The following MAPKAP1 variants were observed in gnomAD, a reference collection of about 807,000 sequenced individuals.
MAPKAP1 encodes target of rapamycin complex 2 subunit MAPKAP1.
In MAPKAP1, 20 loss-of-function variants were observed where a neutral mutation model predicts 65.7. The ratio of observed to expected loss-of-function variants is 0.30; its 90% CI spans 0.21 to 0.44. The LOEUF (loss-of-function observed/expected upper bound fraction) is 0.44, where lower values mean the gene tolerates loss of function less well. Ranked by LOEUF, MAPKAP1 falls within the 20% of genes least tolerant of loss-of-function variation. The pLI is 1.00. For missense variants in MAPKAP1, 423 were observed against 648.0 expected, an observed-to-expected ratio of 0.65 and a Z score of 3.77; for synonymous variants, 222 against 244.3, an observed-to-expected ratio of 0.91 and a Z score of 0.85.
intron 7 of MAPKAP1, among the ~76,000 whole-genome samples, chr9:125,523,759 G>C (rs1011190617): frequency 1.3e-5 from 2 of 152,206 alleles, no homozygotes; most frequent in African/African-American, 4.8e-5. Flanking sequence ...TCTAACCCTG[G>C]ATAAGCTGTG....
intron 6 of MAPKAP1, among the ~76,000 whole-genome samples, chr9:125,544,481 A>C (rs1830363644): frequency 6.6e-6 from 1 of 152,196 alleles, no homozygotes; most frequent in Non-Finnish European, 1.5e-5. Context: ...CTAGATTGGA[A>C]AAAAACCGCT....
intron 10 of MAPKAP1, among the ~76,000 whole-genome samples, chr9:125,453,169 T>C (rs1221025318): frequency 6.6e-6 from 1 of 152,228 alleles, no homozygotes; most frequent in Non-Finnish European, 1.5e-5. Context: ...GCAATTCTCC[T>C]GCCTCAGCCT....
chr9:125,473,688 C>G (rs1351251602), intron 9 of MAPKAP1, among the ~76,000 whole-genome samples: 1 of 152,190 alleles, frequency 6.6e-6, no homozygotes, highest in Non-Finnish European at 1.5e-5. Flanking sequence ...TCTTCTAACA[C>G]AGACTGAGCG....
chr9:125,693,422 A>AT (rs1341318266), intron 1 of MAPKAP1, among the ~76,000 whole-genome samples: 4 of 135,564 alleles, frequency 3.0e-5, no homozygotes, highest in African/African-American at 1.2e-4. Context: ...CTCAAAAAAA[A>AT]AAAAATATAT....
chr9:125,698,234 C>A (rs1835447850), intron 1 of MAPKAP1, among the ~76,000 whole-genome samples: 1 of 134,778 alleles, frequency 7.4e-6, no homozygotes, highest in Non-Finnish European at 1.6e-5. Flanking sequence ...TATATTCCAT[C>A]TCAAAATATA....
At chr9:125,459,209 A>C (rs549229925) in intron 10 of MAPKAP1, among the ~76,000 whole-genome samples, 167 of 142,520 alleles carry the variant, frequency 1.2e-3, no homozygotes, top group Non-Finnish European at 2.0e-3. Flanking sequence ...CCCACATCTC[A>C]GACGATGGGC....
At chr9:125,474,919 A>G (rs552183341) in intron 9 of MAPKAP1, among the ~76,000 whole-genome samples, 1 of 152,324 alleles carries the variant, frequency 6.6e-6, no homozygotes, top group East Asian at 1.9e-4. Context: ...GAAAGCCTGG[A>G]AAAGCCCCCA....
intron 9 of MAPKAP1, among the ~76,000 whole-genome samples, chr9:125,480,873 G>A (rs1272055): frequency 6.6e-6 from 1 of 150,474 alleles, no homozygotes; most frequent in Non-Finnish European, 1.5e-5. Context: ...TCAGGAGGCA[G>A]AGGCAGGAGA....
rs531347760 is a variant in MAPKAP1 at position 125,620,649 on chromosome 9, C to T, written c.499-34922G>A. ...ATTAGTTACATAAATTACAGTATTT[C>T]CAAACAATGGAATACTATGCAGCTA... is the stretch of plus-strand genomic sequence containing the variant. On this transcript the variant is annotated intron_variant, in intron 4 of 11. Coordinates refer to ENST00000265960, the MANE Select transcript of MAPKAP1 (RefSeq NM_001006617.3). Among the ~76,000 whole-genome samples the T allele has an allele frequency of 1.7e-3, 256 of 152,230 alleles. 1 individual carries two copies. The highest frequency in any genetic ancestry group is 3.4e-3 in the Non-Finnish European group (228 of 68,008).
chr9:125,596,826 A>G (rs2131601552), intron 4 of MAPKAP1, among the ~76,000 whole-genome samples: 1 of 152,296 alleles, frequency 6.6e-6, no homozygotes, highest in South Asian at 2.1e-4. Context: ...TAATTGTATA[A>G]CAGGTTGTTT....
intron 4 of MAPKAP1, among the ~76,000 whole-genome samples, chr9:125,644,888 T>C (rs1833681584): frequency 6.6e-6 from 1 of 152,238 alleles, no homozygotes; most frequent in African/African-American, 2.4e-5. Flanking sequence ...TATTAACATT[T>C]TTCTCTGTAT....
intron 5 of MAPKAP1, among the ~76,000 whole-genome samples, chr9:125,563,702 G>GTATTATTATTAT (rs113809428): frequency 2.0e-4 from 22 of 112,308 alleles, no homozygotes; most frequent in African/African-American, 5.8e-4. Flanking sequence ...AAAGCAAAGG[G>GTATTATTATTAT]TATTATTATT....
intron 4 of MAPKAP1, among the ~76,000 whole-genome samples, chr9:125,612,844 A>G (rs192294621): frequency 5.4e-4 from 82 of 152,336 alleles, no homozygotes; most frequent in Admixed American, 3.1e-3. Context: ...CATCAAAAGA[A>G]CATGAGGCTG....
intron 4 of MAPKAP1, among the ~76,000 whole-genome samples, chr9:125,605,114 C>T (rs868819259): frequency 3.9e-5 from 6 of 152,072 alleles, no homozygotes; most frequent in Admixed American, 1.3e-4. Flanking sequence ...TATAATTTAA[C>T]GAGAAAATAT....
Position 125,595,692 on chromosome 9 carries a change from A to C in MAPKAP1, c.499-9965T>G. ...CGTCCTAAGTCAGAGTCTCCTAAAG[A>C]GCCGGAACAGCTAAGGAATCTCTTC... is the stretch of plus-strand genomic sequence containing the variant. On this transcript the variant is annotated intron_variant, in intron 4 of 11. Coordinates refer to ENST00000265960, the MANE Select transcript of MAPKAP1 (RefSeq NM_001006617.3). The surrounding 1 kb of genome is among the most constrained non-coding windows in gnomAD (Gnocchi z 4.0). The C allele has an allele frequency of 6.4e-7, 1 of 1,552,006 alleles. No individual in the cohort carries two copies. Among genetic ancestry groups the C allele is most frequent in the South Asian group, 1.2e-5 (1 of 85,406 alleles).
intron 5 of MAPKAP1, among the ~76,000 whole-genome samples, chr9:125,564,970 G>A (rs918529466): frequency 1.3e-5 from 2 of 152,140 alleles, no homozygotes; most frequent in Admixed American, 6.5e-5. Flanking sequence ...CATAAAAAGA[G>A]CAGTACCTTT....
At chr9:125,575,662 A>G (rs962062423) in intron 5 of MAPKAP1, among the ~76,000 whole-genome samples, 2 of 152,238 alleles carry the variant, frequency 1.3e-5, no homozygotes, top group Non-Finnish European at 2.9e-5. Flanking sequence ...ATACCACTAC[A>G]CACCTATTAA....
chr9:125,639,009 C>T lies in MAPKAP1; in HGVS notation c.498+18642G>A, dbSNP rs571240040. 3.9e-5 allele frequency among the ~76,000 whole-genome samples: 6 copies of T among 152,252 alleles called. No individual in the cohort carries two copies. The South Asian group carries it at 8.3e-4, about 21-fold the overall frequency. Reference sequence around the variant, plus strand: ...ATCTGAACACTTTGGGAGGCTGAGACGGGCGGACCACCTGAAGCCAGGAGT... The same window carrying T: ...ATCTGAACACTTTGGGAGGCTGAGATGGGCGGACCACCTGAAGCCAGGAGT... On this transcript the variant is annotated intron_variant, in intron 4 of 11. Transcript: ENST00000265960.
chr9:125,642,435 T>G (rs1833606855), intron 4 of MAPKAP1, among the ~76,000 whole-genome samples: 1 of 152,066 alleles, frequency 6.6e-6, no homozygotes, highest in South Asian at 2.1e-4. Flanking sequence ...AAACAGAGTA[T>G]GGACAAAGCT....
Sources: allele counts gnomAD v4.1 joint callset (sites outside exome capture counted in the v4.1 genomes callset), GRCh38; gene constraint gnomAD v4.1.1; non-coding constraint Gnocchi (gnomAD v3.1); transcripts MANE v1.5; gene names NCBI Gene and HGNC (gene_info 2026-07-23, HGNC 2026-07-21).